Variants in SNX9 observed in about 807,000 individuals in gnomAD.
The protein encoded by SNX9 is sorting nexin-9.
Under a neutral mutation model 89.4 loss-of-function variants are expected in SNX9, and 44 were observed. The observed-to-expected ratio is 0.49, with a 90% CI of 0.39 to 0.63. SNX9 has a LOEUF of 0.63. Ranked by LOEUF, SNX9 falls within the 30% of genes least tolerant of loss-of-function variation. The pLI is 0.00. For missense variants in SNX9, 578 were observed against 736.1 expected (o/e 0.79, Z 2.49); for synonymous variants, 236 against 247.8 (o/e 0.95, Z 0.45).
At position 157,910,522 on chromosome 6, in the gene SNX9, A is replaced by G. The variant is rs527446131; in HGVS notation, c.949+497A>G. On this transcript the variant is annotated intron_variant, in intron 9 of 17. Coordinates refer to ENST00000392185, the MANE Select transcript of SNX9 (RefSeq NM_016224.5). ...GAAGGAAGAAGCTGCCAGGTTTTCT[A>G]CTTATTTTGATTATTACCCTCTCCC... is the stretch of plus-strand genomic sequence containing the variant. 1.1e-3 allele frequency among the ~76,000 whole-genome samples: 168 copies of G among 152,290 alleles called. 4 individuals carry two copies. In the Middle Eastern group the frequency reaches 0.024, roughly 22 times the overall value.
intron 2 of SNX9, among the ~76,000 whole-genome samples, chr6:157,870,866 G>A (rs1782392541): frequency 6.8e-6 from 1 of 146,218 alleles, no homozygotes; most frequent in Admixed American, 6.8e-5. Flanking sequence ...TCACACAGAT[G>A]CAGCACTCAC....
intron 1 of SNX9, among the ~76,000 whole-genome samples, chr6:157,863,984 A>C (rs1782199463): frequency 6.6e-6 from 1 of 152,202 alleles, no homozygotes; most frequent in Non-Finnish European, 1.5e-5. Context: ...GTTTTAGATA[A>C]ACTTACAAGG....
intron 4 of SNX9, among the ~76,000 whole-genome samples, chr6:157,875,536 C>T (rs1004004299): frequency 6.6e-6 from 1 of 152,132 alleles, no homozygotes; most frequent in Non-Finnish European, 1.5e-5. Flanking sequence ...GTCAGAGCCT[C>T]GGCCTGGATC....
intron 9 of SNX9, among the ~76,000 whole-genome samples, chr6:157,920,620 C>A (rs764368009): frequency 1.3e-5 from 2 of 152,188 alleles, no homozygotes; most frequent in Non-Finnish European, 2.9e-5. Context: ...GGCCATTCGC[C>A]TTTTGTTGAT....
intron 12 of SNX9, among the ~76,000 whole-genome samples, chr6:157,931,016 A>C (rs1783800211): frequency 6.6e-6 from 1 of 152,382 alleles, no homozygotes; most frequent in East Asian, 1.9e-4. Context: ...ATGTCTGATC[A>C]ACTCCATGTC....
intron 1 of SNX9, among the ~76,000 whole-genome samples, chr6:157,845,614 T>C (rs1016079920): frequency 1.3e-5 from 2 of 152,236 alleles, no homozygotes; most frequent in Non-Finnish European, 2.9e-5. Flanking sequence ...GGGGTCAGAA[T>C]TTCCTGTGTA....
intron 4 of SNX9, among the ~76,000 whole-genome samples, chr6:157,890,000 C>A (rs1782823855): frequency 6.6e-6 from 1 of 152,134 alleles, no homozygotes; most frequent in East Asian, 1.9e-4. Context: ...GTAAATTACC[C>A]AAGGCCACAC....
rs751308999 is a variant in SNX9, at chr6:157,927,123, G to GGA, written c.1094_1095dup (p.Lys366GlufsTer14). On this transcript the variant is annotated frameshift_variant, in exon 11 of 18. Transcript: ENST00000392185. LOFTEE classifies it high-confidence loss of function. ...TTCTCATTTACAGGAATGGAAAACT[G>GGA]GAAAGAGGAAGGCCGAGAGAGATGA... The GGA allele has an allele frequency of 6.2e-7, 1 of 1,613,930 alleles. No homozygotes were observed.
At chr6:157,880,173 G>A (rs1463476932) in intron 4 of SNX9, among the ~76,000 whole-genome samples, 1 of 152,140 alleles carries the variant, frequency 6.6e-6, no homozygotes, top group Non-Finnish European at 1.5e-5. Context: ...TTGCCAGTGC[G>A]GCTCCACTGT....
At position 157,828,798 on chromosome 6, in the gene SNX9, A is replaced by G. The variant is rs73022621; in HGVS notation, c.12+5352A>G. ...CCACATATTAGGTCTTAATGCGTCT[A>G]AGCATCACTTCCCCGGGAAAGCCTT... is the stretch of plus-strand genomic sequence containing the variant. On this transcript the variant is annotated intron_variant, in intron 1 of 17. Coordinates refer to ENST00000392185, the MANE Select transcript of SNX9 (RefSeq NM_016224.5). Among the ~76,000 whole-genome samples the G allele has an allele frequency of 2.7e-3, 415 of 152,254 alleles. 1 individual carries two copies. The highest frequency in any genetic ancestry group is 8.9e-3 in the South Asian group (43 of 4,828).
At chr6:157,939,556 A>G (rs1161524145) in intron 16 of SNX9, among the ~76,000 whole-genome samples, 1 of 152,216 alleles carries the variant, frequency 6.6e-6, no homozygotes, top group Non-Finnish European at 1.5e-5. Context: ...GAGGGCCTAA[A>G]GATGTGGTAC....
chr6:157,863,457 A>G lies in SNX9; in HGVS notation c.13-4090A>G, dbSNP rs567700578. On this transcript the variant is annotated intron_variant, in intron 1 of 17. Coordinates refer to ENST00000392185, the MANE Select transcript of SNX9 (RefSeq NM_016224.5). The stretch of plus-strand genomic sequence containing the variant: ...CTAGTAGCCATTCATGTCATCTGTA[A>G]TACTTTTTGAAAGGAAGAGATTAGT... Among the ~76,000 whole-genome samples, 3 of 152,358 alleles carry G rather than the reference A, an allele frequency of 2.0e-5. No individual in the cohort carries two copies. The East Asian group carries it at 5.8e-4, about 29-fold the overall frequency.
intron 1 of SNX9, among the ~76,000 whole-genome samples, chr6:157,824,976 G>A (rs1781313408): frequency 6.6e-6 from 1 of 152,170 alleles, no homozygotes; most frequent in African/African-American, 2.4e-5. Context: ...GGGCGCGGTG[G>A]CTCACTCCCA....
At chr6:157,836,492 A>C (rs533673544) in intron 1 of SNX9, among the ~76,000 whole-genome samples, 2 of 152,260 alleles carry the variant, frequency 1.3e-5, no homozygotes, top group African/African-American at 4.8e-5. Context: ...GTGGTACTCT[A>C]ACTAGCTGTA....
intron 1 of SNX9, among the ~76,000 whole-genome samples, chr6:157,847,358 C>A (rs1781824983): frequency 6.6e-6 from 1 of 152,172 alleles, no homozygotes; most frequent in African/African-American, 2.4e-5. Flanking sequence ...CCACCTCCAC[C>A]TCCCAAAATG....
At chr6:157,839,927 T>A (rs181809604) in intron 1 of SNX9, among the ~76,000 whole-genome samples, 1 of 152,344 alleles carries the variant, frequency 6.6e-6, no homozygotes, top group Admixed American at 6.5e-5. Flanking sequence ...CTTAATGTGA[T>A]ACATAGCTGT....
chr6:157,937,675 G>A (rs1324961538), intron 15 of SNX9, 152 bp downstream of exon 15: 6 of 596,778 alleles, frequency 1.0e-5, no homozygotes, highest in Non-Finnish European at 1.7e-5. Flanking sequence ...TTTGACATTG[G>A]TTTGGGGTGT....
chr6:157,933,877 C>A (rs1349726238), intron 13 of SNX9, among the ~76,000 whole-genome samples: 5 of 152,184 alleles, frequency 3.3e-5, no homozygotes, highest in Non-Finnish European at 5.9e-5. Flanking sequence ...ATTAAATGTT[C>A]CATATTGCAA....
At chr6:157,938,793 T>C (rs199796163) in intron 16 of SNX9, 46 bp downstream of exon 16, 3 of 1,263,916 alleles carry the variant, frequency 2.4e-6, no homozygotes, top group African/African-American at 1.5e-5. Context: ...AGTTTTTTTT[T>C]CCCCAGCAAA....
Sources: gnomAD v4.1 joint callset for allele counts (sites outside exome capture counted in the v4.1 genomes callset) on GRCh38, gnomAD v4.1.1 for gene constraint, MANE v1.5 for transcripts, NCBI Gene and HGNC (gene_info 2026-07-23, HGNC 2026-07-21) for gene names.